The following ME3 variants were observed in gnomAD, a reference collection of about 807,000 sequenced individuals.
The protein encoded by ME3 is NADP-dependent malic enzyme, mitochondrial.
In ME3, 48 loss-of-function variants were observed where a neutral mutation model predicts 68.9. The ratio of observed to expected loss-of-function variants is 0.70; its 90% CI spans 0.55 to 0.89. The LOEUF (loss-of-function observed/expected upper bound fraction) is 0.89. Ranked by LOEUF, ME3 falls within the 40% of genes least tolerant of loss-of-function variation. ME3 has a pLI of 0.00. For missense variants in ME3, 675 were observed against 797.4 expected, an observed-to-expected ratio of 0.85 and a Z score of 1.85; for synonymous variants, 320 against 318.8, an observed-to-expected ratio of 1.00 and a Z score of -0.04.
chr11:86,522,016 G>A (rs1325467769), intron 4 of ME3, among the ~76,000 whole-genome samples: 2 of 152,180 alleles, frequency 1.3e-5, no homozygotes, highest in East Asian at 1.9e-4. Flanking sequence ...TTGGGAGGCC[G>A]AAGTTGGTAG....
intron 4 of ME3, among the ~76,000 whole-genome samples, chr11:86,535,871 C>G (rs577153275): frequency 6.6e-6 from 1 of 152,178 alleles, no homozygotes; most frequent in Non-Finnish European, 1.5e-5. Context: ...AAAACTTCTT[C>G]TATCTATCCA....
exon 6 of ME3, chr11:86,498,108 T>G: frequency 3.1e-6 from 5 of 1,611,896 alleles, no homozygotes; most frequent in Non-Finnish European, 4.2e-6. Flanking sequence ...GCGCTCCCCA[T>G]CAGTCACCAC....
intron 7 of ME3, among the ~76,000 whole-genome samples, chr11:86,472,182 C>G (rs903836432): frequency 6.6e-5 from 10 of 152,094 alleles, no homozygotes; most frequent in Admixed American, 5.2e-4. Flanking sequence ...CTTCCTGGAG[C>G]TGCAGGAAAA....
At chr11:86,503,084 C>CA (rs1952834134) in intron 5 of ME3, among the ~76,000 whole-genome samples, 1 of 152,072 alleles carries the variant, frequency 6.6e-6, no homozygotes, top group Non-Finnish European at 1.5e-5. Flanking sequence ...CTTTCTACCG[C>CA]AAAAATAATG....
At chr11:86,649,040 G>C (rs928479981) in intron 2 of ME3, among the ~76,000 whole-genome samples, 3 of 152,156 alleles carry the variant, frequency 2.0e-5, no homozygotes, top group African/African-American at 7.2e-5. Context: ...CAATATCTCT[G>C]ATGAACATCA....
chr11:86,590,234 C>G (rs1053766270), intron 2 of ME3, among the ~76,000 whole-genome samples: 3 of 152,182 alleles, frequency 2.0e-5, no homozygotes, highest in African/African-American at 4.8e-5. Context: ...TATCTACTTA[C>G]GTTGCACCTA....
At position 86,459,702 on chromosome 11, in the gene ME3, A is replaced by G. The variant is rs1160862550; in HGVS notation, c.919+5389T>C. On this transcript the variant is annotated intron_variant, in intron 8 of 14. Coordinates refer to ENST00000543262, the Ensembl canonical transcript of ME3. ...TACCGAGAATTTCAGCCACTTGTCC[A>G]AAGCCACAAAGCAGGAAAATGGGGA... Among the ~76,000 whole-genome samples the G allele has an allele frequency of 3.3e-5, 5 of 152,206 alleles. No individual in the cohort carries two copies. In the East Asian group the frequency reaches 9.6e-4, roughly 29 times the overall value.
chr11:86,642,939 G>C (rs1944759404), intron 2 of ME3, among the ~76,000 whole-genome samples: 1 of 152,132 alleles, frequency 6.6e-6, no homozygotes, highest in Non-Finnish European at 1.5e-5. Context: ...AGAGGAATGT[G>C]ATATCTTGGT....
At chr11:86,615,803 T>C (rs1334227133) in intron 2 of ME3, among the ~76,000 whole-genome samples, 2 of 152,230 alleles carry the variant, frequency 1.3e-5, no homozygotes, top group African/African-American at 4.8e-5. Context: ...ACCTAAGTCA[T>C]GGCTCTTGCT....
chr11:86,500,031 A>G (rs1380000318), intron 5 of ME3, among the ~76,000 whole-genome samples: 1 of 152,130 alleles, frequency 6.6e-6, no homozygotes, highest in Non-Finnish European at 1.5e-5. Flanking sequence ...GGCTGGGGTA[A>G]AGTGCCTGTG....
At chr11:86,483,059 T>C (rs1951503094) in intron 7 of ME3, among the ~76,000 whole-genome samples, 1 of 152,242 alleles carries the variant, frequency 6.6e-6, no homozygotes, top group African/African-American at 2.4e-5. Flanking sequence ...CTCCTTGTTT[T>C]TAGCTTTAAC....
At chr11:86,572,163 C>T (rs953019263) in intron 2 of ME3, among the ~76,000 whole-genome samples, 1 of 152,304 alleles carries the variant, frequency 6.6e-6, no homozygotes, top group Non-Finnish European at 1.5e-5. Context: ...GCACGTCTCA[C>T]AGCTGGGTTT....
intron 2 of ME3, among the ~76,000 whole-genome samples, chr11:86,564,258 A>C (rs1165956364): frequency 6.6e-6 from 1 of 151,998 alleles, no homozygotes; most frequent in Non-Finnish European, 1.5e-5. Context: ...TTTCCCATTT[A>C]AGGTTTGTTT....
chr11:86,608,477 T>C (rs564642104), intron 2 of ME3, among the ~76,000 whole-genome samples: 6 of 152,288 alleles, frequency 3.9e-5, no homozygotes, highest in African/African-American at 1.4e-4. Context: ...GCACTCTCAA[T>C]AGTGGATAGT....
chr11:86,534,966 T>C (rs946977202), intron 4 of ME3, among the ~76,000 whole-genome samples: 4 of 152,146 alleles, frequency 2.6e-5, no homozygotes, highest in African/African-American at 7.2e-5. Flanking sequence ...TGAATCAGAA[T>C]TGGCAAGAGA....
At chr11:86,439,872 C>T (rs1393927173), downstream of ME3, among the ~76,000 whole-genome samples, 1 of 152,094 alleles carries the variant, frequency 6.6e-6, no homozygotes, top group Non-Finnish European at 1.5e-5. Flanking sequence ...GTCAAAAACT[C>T]CATGGTGTTC....
chr11:86,593,606 A>C (rs1279410833), intron 2 of ME3, among the ~76,000 whole-genome samples: 1 of 146,488 alleles, frequency 6.8e-6, no homozygotes, highest in Non-Finnish European at 1.5e-5. Context: ...AATATTACGC[A>C]CAGAAAAGTT....
Position 86,446,312 on chromosome 11 carries a change from A to G in ME3, c.1554+2T>C, listed in dbSNP as rs770517232. On this transcript the variant is annotated splice_donor_variant, in intron 13 of 14. Transcript: ENST00000543262. LOFTEE classifies it high-confidence loss of function. ...CATTTGAGGGAGCAAGGACAGTGAT[A>G]CCTCTGCTGTCAGGAGGAAGATCTC... The G allele has an allele frequency of 6.2e-7, 1 of 1,613,804 alleles. No homozygotes were observed. The highest frequency in any genetic ancestry group is 8.5e-7 in the Non-Finnish European group (1 of 1,180,008).
At chr11:86,602,920 C>G (rs1960951697) in intron 2 of ME3, among the ~76,000 whole-genome samples, 1 of 152,200 alleles carries the variant, frequency 6.6e-6, no homozygotes, top group African/African-American at 2.4e-5. Flanking sequence ...AAACTGGATC[C>G]TTTCCTTACA....
Sources: allele counts gnomAD v4.1 joint callset (sites outside exome capture counted in the v4.1 genomes callset), GRCh38; gene constraint gnomAD v4.1.1; transcripts MANE v1.5; gene names NCBI Gene and HGNC (gene_info 2026-07-23, HGNC 2026-07-21).